The following MTMR7 variants were observed in gnomAD, a reference collection of about 807,000 sequenced individuals.
MTMR7 encodes myotubularin related protein 7, also known as phosphatidylinositol-3-phosphate phosphatase MTMR7.
MTMR7 carries 76 observed loss-of-function variants against 81.2 expected under a neutral mutation model. The observed-to-expected ratio is 0.94, with a 90% confidence interval of 0.78 to 1.13. MTMR7 has a LOEUF of 1.13. Ranked by LOEUF, MTMR7 falls within the 50% of genes most tolerant of loss-of-function variation. The pLI, the probability that MTMR7 is intolerant of heterozygous loss-of-function variation, is 0.00. For missense variants in MTMR7, 1,044 were observed against 820.0 expected (o/e 1.27, Z -3.34); for synonymous variants, 372 against 289.8 (o/e 1.28, Z -2.88).
At chr8:17,379,808 T>C (rs1306711218) in intron 1 of MTMR7, among the ~76,000 whole-genome samples, 2 of 152,186 alleles carry the variant, frequency 1.3e-5, no homozygotes, top group African/African-American at 2.4e-5. Flanking sequence ...TTTTTGTTTT[T>C]TTAATTAGGT....
chr8:17,407,563 G>A (rs1821623819), intron 1 of MTMR7, among the ~76,000 whole-genome samples: 1 of 151,620 alleles, frequency 6.6e-6, no homozygotes, highest in African/African-American at 2.4e-5. Context: ...CCCTAAAATG[G>A]GGAAGTGGTA....
At position 17,408,112 on chromosome 8, in the gene MTMR7, C is replaced by T. The variant is rs1413843376; in HGVS notation, c.24+5157G>A. ...ATCAGCAAGAACATCATGGAGAGGC[C>T]GGGCGCGGTGGCTCACGCCTGTAAT... On this transcript the variant is annotated intron_variant, in intron 1 of 13. Transcript: ENST00000180173. Among the ~76,000 whole-genome samples, 2 of 122,690 alleles carry T rather than the reference C, an allele frequency of 1.6e-5. 1 individual carries two copies. The highest frequency in any genetic ancestry group is 3.9e-5 in the Non-Finnish European group (2 of 51,248). The allele number at this position is 122,690 out of a possible 152,430, so 80.5% of individuals were successfully genotyped here.
chr8:17,372,969 A>G lies in MTMR7; in HGVS notation c.147+149T>C, dbSNP rs1427807854. ...ATCAAGTAGATACGACTGCACAGAA[A>G]AAGTCCAAACACACATTCCAGAAAC... On this transcript the variant is annotated intron_variant, in intron 2 of 13. Transcript: ENST00000180173. 9 of 888,626 alleles carry G rather than the reference A, an allele frequency of 1.0e-5. No individual in the cohort carries two copies. In the South Asian group the frequency reaches 1.3e-4, roughly 12 times the overall value. The allele number at this position is 888,626 out of a possible 1,614,324, so 55.0% of individuals were successfully genotyped here. A position where few individuals can be genotyped will look rare whatever the true frequency, so the allele number is the denominator to read the frequency against.
In MTMR7 at chr8:17,298,484, A is replaced by C. The variant is rs1474324200; in HGVS notation, c.*1378T>G. On this transcript the variant is annotated 3_prime_UTR_variant, in exon 14 of 14. Transcript: ENST00000180173. ...CCTCCAAATCTTTCATACTAGAGAG[A>C]TCAGCAATGTTGCTTTCTTGCCCTC... is the stretch of plus-strand genomic sequence containing the variant. The C allele has an allele frequency of 2.6e-5, 4 of 152,514 alleles. No individual in the cohort carries two copies. Among genetic ancestry groups the C allele is most frequent in the African/African-American group, 9.7e-5 (4 of 41,440 alleles). 9.4% of individuals were successfully genotyped at this position (152,514 alleles called of 1,614,324 possible).
chr8:17,397,015 A>G (rs1241556039), intron 1 of MTMR7, among the ~76,000 whole-genome samples: 1 of 152,008 alleles, frequency 6.6e-6, no homozygotes, highest in Non-Finnish European at 1.5e-5. Context: ...ACCCAGTCCT[A>G]GCGGCATTCA....
At chr8:17,323,338 C>A (rs1818506004) in intron 7 of MTMR7, among the ~76,000 whole-genome samples, 1 of 152,036 alleles carries the variant, frequency 6.6e-6, no homozygotes, top group Non-Finnish European at 1.5e-5. Context: ...TCCCTTGACT[C>A]CACTTTCCAT....
chr8:17,370,916 A>G, intron 3 of MTMR7, 121 bp downstream of exon 3: 2 of 1,024,318 alleles, frequency 2.0e-6, no homozygotes, highest in Non-Finnish European at 2.8e-6. Context: ...CTCTCCTGAG[A>G]ACGAGACTGA....
chr8:17,299,009 C>CTAACT lies in MTMR7; in HGVS notation c.*848_*852dup, dbSNP rs1449745719. On this transcript the variant is annotated 3_prime_UTR_variant, in exon 14 of 14. Transcript: ENST00000180173. ...TTTTCACTCACAGATGTTTTATCTA[C>CTAACT]TAACTTTATAATGTGATACTTTGAG... 1 of 152,164 alleles carries CTAACT rather than the reference C, an allele frequency of 6.6e-6. No homozygotes were observed. The highest frequency in any genetic ancestry group is 2.4e-5 in the African/African-American group (1 of 41,456). 9.4% of individuals were successfully genotyped at this position (152,164 alleles called of 1,614,324 possible).
At position 17,384,150 on chromosome 8, in the gene MTMR7, C is replaced by A. The variant is rs144125535; in HGVS notation, c.25-10910G>T. Among the ~76,000 whole-genome samples the A allele has an allele frequency of 7.3e-4, 111 of 152,216 alleles. 1 individual carries two copies. In the East Asian group the frequency reaches 0.02, roughly 28 times the overall value. ...TATTGGCTGGGCATAGTGGCTCATA[C>A]CCATAATCCCAGAACTTTAGGAGGC... On this transcript the variant is annotated intron_variant, in intron 1 of 13. Coordinates refer to ENST00000180173, the MANE Select transcript of MTMR7 (RefSeq NM_004686.5).
At chr8:17,411,733 C>T (rs569068368) in intron 1 of MTMR7, among the ~76,000 whole-genome samples, 1 of 152,286 alleles carries the variant, frequency 6.6e-6, no homozygotes, top group African/African-American at 2.4e-5. Flanking sequence ...AGAGTAAGAA[C>T]ACTGCTTGCA....
At chr8:17,346,688 C>A (rs1431852230) in intron 5 of MTMR7, among the ~76,000 whole-genome samples, 1 of 151,732 alleles carries the variant, frequency 6.6e-6, no homozygotes, top group Admixed American at 6.6e-5. Context: ...ACACTGTGCT[C>A]ACTTTTTAAA....
chr8:17,367,481 C>G (rs9325809), intron 3 of MTMR7, among the ~76,000 whole-genome samples: 51,514 of 151,942 alleles, frequency 0.34, 10,932 homozygotes, highest in East Asian at 0.72. Context: ...TCTCATTTGA[C>G]CCACAACCCT....
chr8:17,392,074 C>A (rs1018158366), intron 1 of MTMR7, among the ~76,000 whole-genome samples: 1 of 152,124 alleles, frequency 6.6e-6, no homozygotes, highest in East Asian at 1.9e-4. Context: ...TGAACCATCA[C>A]ACGGACAAAG....
intron 5 of MTMR7, among the ~76,000 whole-genome samples, chr8:17,345,834 C>A (rs1019848692): frequency 6.6e-6 from 1 of 152,182 alleles, no homozygotes; most frequent in Non-Finnish European, 1.5e-5. Context: ...ATCTCACCAC[C>A]AAAATCAAAA....
At position 17,300,090 on chromosome 8, in the gene MTMR7, A is replaced by G. The variant is rs1817012514; in HGVS notation, c.1755T>C (p.Asn585=). 1 of 1,614,016 alleles carries G rather than the reference A, an allele frequency of 6.2e-7. No individual in the cohort carries two copies. The highest frequency in any genetic ancestry group is 1.7e-5 in the Admixed American group (1 of 59,998). ...GGCTCCGGGATGGAAATGATTTCAT[A>G]TTCCCACTGTAATCCTGGGGAGTGT... ...IANTPQDYSG[N]MKSFPSRSPS... is the part of the protein sequence containing the mutation. Residue 585 remains asparagine, a synonymous_variant, in exon 14 of 14, where the codon AAT becomes AAC. Transcript: ENST00000180173.
At chr8:17,309,351 C>T (rs1215283439) in intron 9 of MTMR7, 25 bp from the exon 10 acceptor site, 1 of 1,508,976 alleles carries the variant, frequency 6.6e-7, no homozygotes, top group South Asian at 1.1e-5. Flanking sequence ...ATACAAATAT[C>T]TTGGAGAGAA....
At chr8:17,399,367 G>T (rs1005943787) in intron 1 of MTMR7, among the ~76,000 whole-genome samples, 4 of 151,976 alleles carry the variant, frequency 2.6e-5, no homozygotes, top group African/African-American at 7.2e-5. Context: ...AATCAAGAAA[G>T]CAATCCTATT....
At chr8:17,368,377 T>C (rs1363262721) in intron 3 of MTMR7, among the ~76,000 whole-genome samples, 5 of 152,122 alleles carry the variant, frequency 3.3e-5, no homozygotes, top group African/African-American at 9.7e-5. Context: ...TGTCCATAAA[T>C]AAACTGAAAA....
intron 9 of MTMR7, 47 bp downstream of exon 9, chr8:17,311,464 C>T (rs752255044): frequency 2.5e-6 from 4 of 1,612,398 alleles, no homozygotes; most frequent in Non-Finnish European, 3.4e-6. Context: ...GGGGTCCATT[C>T]CTGGTCAAGG....
Sources: allele counts gnomAD v4.1 joint callset (sites outside exome capture counted in the v4.1 genomes callset), GRCh38; gene constraint gnomAD v4.1.1; transcripts MANE v1.5; gene names NCBI Gene and HGNC (gene_info 2026-07-23, HGNC 2026-07-21).